Variants in SGMS2 observed in about 807,000 individuals in gnomAD.
SGMS2 encodes the protein phosphatidylcholine:ceramide cholinephosphotransferase 2.
SGMS2 carries 21 observed loss-of-function variants against 43.8 expected under a neutral mutation model. The observed-to-expected ratio is 0.48, with a 90% confidence interval of 0.34 to 0.69. SGMS2 has a LOEUF of 0.69. SGMS2 is among the 30% of genes least tolerant of loss of function. The pLI is 0.01. For synonymous variants in SGMS2, 167 were observed against 160.6 expected (o/e 1.04, Z -0.30); for missense variants, 384 against 443.2 (o/e 0.87, Z 1.20).
At chr4:107,887,339 A>G (rs1729838677) in intron 2 of SGMS2, among the ~76,000 whole-genome samples, 1 of 152,194 alleles carries the variant, frequency 6.6e-6, no homozygotes, top group Non-Finnish European at 1.5e-5. Context: ...TCAAAGACAC[A>G]ATTGGAAAGA....
intron 2 of SGMS2, among the ~76,000 whole-genome samples, chr4:107,876,999 T>C (rs887084852): frequency 1.3e-5 from 2 of 152,178 alleles, no homozygotes; most frequent in Admixed American, 6.5e-5. Flanking sequence ...AAATATCTTA[T>C]TTTAAAACTA....
chr4:107,875,519 G>A (rs547685636), intron 2 of SGMS2, among the ~76,000 whole-genome samples: 10 of 152,174 alleles, frequency 6.6e-5, no homozygotes, highest in Non-Finnish European at 1.0e-4. Flanking sequence ...AAGGGTGGAG[G>A]GTGGGAGGAG....
rs764476029 is a variant in SGMS2 at position 107,895,645 on chromosome 4, T to C, written c.92T>C (p.Val31Ala). 6.2e-6 allele frequency: 10 copies of C among 1,613,894 alleles called. No individual in the cohort carries two copies. The Admixed American group carries it at 1.2e-4, about 19-fold the overall frequency. Reference sequence around the variant, plus strand: ...ACTTATGCAAGACCCGCTGAACCTGTTGAAGAAGAAAACAAAAATGGCAAT... The same window carrying C: ...ACTTATGCAAGACCCGCTGAACCTGCTGAAGAAGAAAACAAAAATGGCAAT... ...TNTYARPAEP[V>A]EEENKNGNGK... The change falls in exon 3 of 7, where the codon GTT becomes GCT. Residue 31 changes from valine (V) to alanine (A), a missense_variant. Transcript: ENST00000690982.
intron 1 of SGMS2, among the ~76,000 whole-genome samples, chr4:107,828,266 G>A (rs1039370922): frequency 2.0e-5 from 3 of 151,948 alleles, no homozygotes; most frequent in Admixed American, 2.0e-4. Context: ...TCTTACTATG[G>A]GCCAGGCAAC....
chr4:107,875,197 A>ATATG (rs1728818877), intron 2 of SGMS2, among the ~76,000 whole-genome samples: 1 of 152,230 alleles, frequency 6.6e-6, no homozygotes, highest in Non-Finnish European at 1.5e-5. Context: ...TTATAAAGAC[A>ATATG]CATGCACATG....
intron 5 of SGMS2, chr4:107,907,157 C>G (rs1731648211): frequency 1.3e-5 from 2 of 152,150 alleles, no homozygotes; most frequent in Non-Finnish European, 2.9e-5. Context: ...AATGAAGTAA[C>G]TGACAAGTAA....
intron 1 of SGMS2, among the ~76,000 whole-genome samples, chr4:107,826,963 C>T (rs1384032131): frequency 6.6e-6 from 1 of 152,194 alleles, no homozygotes; most frequent in Admixed American, 6.6e-5. Context: ...ATCCAGGAGA[C>T]CTGAGGCTCT....
At chr4:107,847,135 A>C (rs1462735005) in intron 1 of SGMS2, among the ~76,000 whole-genome samples, 1 of 151,318 alleles carries the variant, frequency 6.6e-6, no homozygotes, top group Non-Finnish European at 1.5e-5. Flanking sequence ...CCATTTGTCA[A>C]TTTTGGCTTT....
intron 1 of SGMS2, among the ~76,000 whole-genome samples, chr4:107,835,116 G>A (rs968616501): frequency 2.0e-5 from 3 of 151,972 alleles, no homozygotes; most frequent in Non-Finnish European, 2.9e-5. Context: ...TCAGTTAAAG[G>A]TCTTCTCTTT....
chr4:107,851,355 A>G (rs768519004), intron 1 of SGMS2, among the ~76,000 whole-genome samples: 9 of 152,216 alleles, frequency 5.9e-5, no homozygotes, highest in Admixed American at 1.3e-4. Context: ...AGAAATCTTA[A>G]GAACAAGGAC....
intron 2 of SGMS2, among the ~76,000 whole-genome samples, chr4:107,879,347 T>G (rs1174956184): frequency 6.6e-6 from 1 of 152,164 alleles, no homozygotes; most frequent in Non-Finnish European, 1.5e-5. Flanking sequence ...ACTGCAAAAG[T>G]AGTGCTCAGC....
chr4:107,909,764 T>G (rs1389804518), intron 6 of SGMS2, among the ~76,000 whole-genome samples: 1 of 152,244 alleles, frequency 6.6e-6, no homozygotes, highest in Non-Finnish European at 1.5e-5. Context: ...AGACTTGCCA[T>G]ATTGTCAATT....
At chr4:107,849,697 C>T (rs547505815) in intron 1 of SGMS2, among the ~76,000 whole-genome samples, 1 of 152,260 alleles carries the variant, frequency 6.6e-6, no homozygotes, top group South Asian at 2.1e-4. Flanking sequence ...CAGATTAAAA[C>T]CAGATCTCCT....
chr4:107,908,691 C>A lies in SGMS2; in HGVS notation c.854C>A (p.Thr285Lys), dbSNP rs746864212. ...GTGATCATTGCTTATTATATCACAACACGACTGTTTTGGTGGTACCATTCA... is the reference window on the plus strand; with the variant it reads ...GTGATCATTGCTTATTATATCACAAAACGACTGTTTTGGTGGTACCATTCA... ...IDVIIAYYIT[T>K]RLFWWYHSMA... Residue 285 changes from threonine to lysine, a missense_variant, in exon 6 of 7, where the codon ACA becomes AAA. By Grantham distance (78) the Thr-to-Lys change is moderately conservative. Coordinates refer to ENST00000690982, the MANE Select transcript of SGMS2 (RefSeq NM_001375905.1). 1.2e-6 allele frequency: 2 copies of A among 1,613,944 alleles called. No homozygotes were observed. The highest frequency in any genetic ancestry group is 1.1e-5 in the South Asian group (1 of 91,060).
chr4:107,844,618 A>T (rs1261462870), intron 1 of SGMS2, among the ~76,000 whole-genome samples: 4 of 152,068 alleles, frequency 2.6e-5, no homozygotes, highest in Non-Finnish European at 5.9e-5. Context: ...AGGTGGGAGG[A>T]TCACCTGACC....
chr4:107,868,697 G>A (rs945015779), intron 2 of SGMS2, among the ~76,000 whole-genome samples: 6 of 151,632 alleles, frequency 4.0e-5, no homozygotes, highest in Admixed American at 2.0e-4. Context: ...CAGCCTGGGC[G>A]ACAAAGTGAG....
At chr4:107,900,374 T>C (rs1377324534) in intron 4 of SGMS2, among the ~76,000 whole-genome samples, 2 of 152,196 alleles carry the variant, frequency 1.3e-5, no homozygotes, top group Non-Finnish European at 2.9e-5. Flanking sequence ...ACAGATCACA[T>C]AGGGTCTTGC....
intron 2 of SGMS2, among the ~76,000 whole-genome samples, chr4:107,883,662 A>G (rs1038133029): frequency 6.6e-6 from 1 of 152,236 alleles, no homozygotes; most frequent in African/African-American, 2.4e-5. Flanking sequence ...TAAGGTAACC[A>G]TAATTCATTT....
chr4:107,906,114 A>T (rs900382839), intron 5 of SGMS2, among the ~76,000 whole-genome samples: 4 of 152,164 alleles, frequency 2.6e-5, no homozygotes, highest in African/African-American at 9.7e-5. Context: ...ATTATACCAT[A>T]TGTTCTTGTT....
Sources: allele counts gnomAD v4.1 joint callset (sites outside exome capture counted in the v4.1 genomes callset), GRCh38; gene constraint gnomAD v4.1.1; transcripts MANE v1.5; gene names NCBI Gene and HGNC (gene_info 2026-07-23, HGNC 2026-07-21).